The following CACNA2D1 variants were observed in gnomAD, a reference collection of about 807,000 sequenced individuals.
The protein encoded by CACNA2D1 is calcium voltage-gated channel auxiliary subunit alpha2delta 1.
In CACNA2D1, 53 loss-of-function variants were observed where a neutral mutation model predicts 171.5. The observed-to-expected ratio is 0.31, with a 90% CI of 0.25 to 0.39. The LOEUF (loss-of-function observed/expected upper bound fraction) is 0.39. Ranked by LOEUF, CACNA2D1 falls within the 10% of genes least tolerant of loss-of-function variation. The pLI, the probability that CACNA2D1 is intolerant of heterozygous loss-of-function variation, is 1.00. For missense variants in CACNA2D1, 903 were observed against 1,299.8 expected (o/e 0.69, Z 4.69); for synonymous variants, 442 against 443.1 (o/e 1.00, Z 0.03).
At chr7:82,092,197 G>T (rs258651) in intron 6 of CACNA2D1, among the ~76,000 whole-genome samples, 94,971 of 152,040 alleles carry the variant, frequency 0.62, 29,887 homozygotes, top group Middle Eastern at 0.76. Flanking sequence ...TATTCCTTCT[G>T]CTTAATCTCC....
Position 82,060,432 on chromosome 7 carries a change from G to A in CACNA2D1, c.875C>T (p.Ala292Val), listed in dbSNP as rs1342386431. The A allele has an allele frequency of 6.3e-7, 1 of 1,597,032 alleles. No individual in the cohort carries two copies. The change falls in exon 10 of 39, where the codon GCT (alanine) becomes GTT (valine). Residue 292 changes from alanine (A) to valine (V), a missense_variant. Ala to Val is a moderately conservative substitution (Grantham distance 64). Around this residue, in one of 5 missense-constraint regions of CACNA2D1, gnomAD observed 623 missense variants for 925.5 expected, o/e 0.67. Transcript: ENST00000356860. The part of the protein sequence containing the change: ...TLSDDDFVNV[A>V]SFNSNAQDVS... ...ATGCAGTCATCTTATACTTACTGAA[G>A]CTACATTCACGAAATCATCATCTGA...
intron 6 of CACNA2D1, among the ~76,000 whole-genome samples, chr7:82,091,527 G>A: frequency 6.6e-6 from 1 of 152,162 alleles, no homozygotes; most frequent in East Asian, 1.9e-4. Context: ...CAGAGGAGGA[G>A]CTCAGAAGAA....
intron 24 of CACNA2D1, among the ~76,000 whole-genome samples, chr7:81,975,906 CT>C (rs1312595669): frequency 1.3e-5 from 2 of 151,950 alleles, no homozygotes. Flanking sequence ...AAAAGCTCAT[CT>C]GATTTATTTT....
intron 1 of CACNA2D1, among the ~76,000 whole-genome samples, chr7:82,420,717 A>T (rs1432390810): frequency 6.6e-6 from 1 of 152,216 alleles, no homozygotes; most frequent in Non-Finnish European, 1.5e-5. Context: ...TTATTTATAA[A>T]CAACAACTTT....
At position 82,195,607 on chromosome 7, in the gene CACNA2D1, C is replaced by A. The variant is rs574189061; in HGVS notation, c.295-24998G>T. Among the ~76,000 whole-genome samples, 9 of 151,756 alleles carry A rather than the reference C, an allele frequency of 5.9e-5. No individual in the cohort carries two copies. In the East Asian group the frequency reaches 1.7e-3, roughly 29 times the overall value. On this transcript the variant is annotated intron_variant, in intron 3 of 38. Coordinates refer to ENST00000356860, the MANE Select transcript of CACNA2D1 (RefSeq NM_000722.4). ...CCAGGTGAAATCTCCTGTCTCTAAC[C>A]CAACATGTTATCTCTCCCAGAGTCT...
chr7:82,036,654 T>C (rs1405827593), intron 11 of CACNA2D1, among the ~76,000 whole-genome samples: 1 of 152,196 alleles, frequency 6.6e-6, no homozygotes, highest in African/African-American at 2.4e-5. Context: ...TCCTGTTTAC[T>C]TCTATAATTC....
Position 81,959,368 on chromosome 7 carries a change from C to T in CACNA2D1, c.3077-11G>A. The T allele has an allele frequency of 1.3e-6, 2 of 1,579,316 alleles. No homozygotes were observed. The highest frequency in any genetic ancestry group is 1.1e-5 in the South Asian group (1 of 90,458). On this transcript the variant is annotated splice_polypyrimidine_tract_variant and intron_variant, in intron 37 of 38. Transcript: ENST00000356860. ...GATTTGGACCGTCAGCTAAAAGAGA[C>T]TTGTTAAGGAATCTCATGTTAGTTT... is the stretch of plus-strand genomic sequence containing the variant.
intron 3 of CACNA2D1, among the ~76,000 whole-genome samples, chr7:82,241,215 G>A (rs991786596): frequency 1.9e-4 from 29 of 152,048 alleles, no homozygotes; most frequent in Admixed American, 7.9e-4. Context: ...CCCTGATTAC[G>A]AATCAGACAC....
intron 1 of CACNA2D1, among the ~76,000 whole-genome samples, chr7:82,417,968 T>C (rs1195929761): frequency 6.6e-6 from 1 of 152,206 alleles, no homozygotes; most frequent in Non-Finnish European, 1.5e-5. Flanking sequence ...TGAGTCTTTC[T>C]AGTCTTTCCT....
chr7:82,439,276 T>C (rs1234760348), intron 1 of CACNA2D1, among the ~76,000 whole-genome samples: 1 of 152,054 alleles, frequency 6.6e-6, no homozygotes, highest in Non-Finnish European at 1.5e-5. Flanking sequence ...ATATACTAAA[T>C]TTTAGCACAA....
intron 1 of CACNA2D1, among the ~76,000 whole-genome samples, chr7:82,412,511 G>A (rs1437739307): frequency 1.3e-5 from 2 of 151,854 alleles, no homozygotes; most frequent in Non-Finnish European, 2.9e-5. Context: ...TCGAACTCCT[G>A]ACCTCAAGTA....
intron 4 of CACNA2D1, among the ~76,000 whole-genome samples, chr7:82,143,642 G>A (rs1310841636): frequency 6.6e-6 from 1 of 152,102 alleles, no homozygotes; most frequent in Non-Finnish European, 1.5e-5. Context: ...TGGAGTGGAA[G>A]GGGCTTATAC....
chr7:82,362,008 G>T (rs1329782240), intron 1 of CACNA2D1, among the ~76,000 whole-genome samples: 2 of 152,226 alleles, frequency 1.3e-5, no homozygotes, highest in Non-Finnish European at 2.9e-5. Context: ...ATAATTAGAA[G>T]CAAAGACTTG....
intron 6 of CACNA2D1, among the ~76,000 whole-genome samples, chr7:82,111,355 T>C (rs1319462115): frequency 7.6e-6 from 1 of 132,342 alleles, no homozygotes; most frequent in Non-Finnish European, 1.7e-5. Flanking sequence ...CATATATATG[T>C]GTATATATGT....
At chr7:82,264,878 AAT>A (rs1288379826) in intron 3 of CACNA2D1, among the ~76,000 whole-genome samples, 1 of 152,188 alleles carries the variant, frequency 6.6e-6, no homozygotes, top group Non-Finnish European at 1.5e-5. Flanking sequence ...CCTAGATTAT[AAT>A]AGAGTCCCCT....
chr7:82,406,227 A>G lies in CACNA2D1; in HGVS notation c.95+37138T>C, dbSNP rs576582166. ...CTACAAAGTAGGACATGAACTCATC[A>G]TTTTTTATGGCTGCATAGTATTCCA... On this transcript the variant is annotated intron_variant, in intron 1 of 38. Transcript: ENST00000356860. 9.7e-4 allele frequency among the ~76,000 whole-genome samples: 147 copies of G among 152,198 alleles called. 2 individuals carry two copies. The highest frequency in any genetic ancestry group is 1.6e-3 in the Admixed American group (24 of 15,284).
intron 3 of CACNA2D1, among the ~76,000 whole-genome samples, chr7:82,174,042 C>CAAAAAAAA (rs71093365): frequency 4.8e-4 from 22 of 45,640 alleles, no homozygotes; most frequent in African/African-American, 6.1e-4. Context: ...GACCCTGTCT[C>CAAAAAAAA]AAAAAAAAAA....
At chr7:82,053,519 AT>A (rs1261906029) in intron 10 of CACNA2D1, among the ~76,000 whole-genome samples, 1 of 152,142 alleles carries the variant, frequency 6.6e-6, no homozygotes, top group African/African-American at 2.4e-5. Context: ...TGACAAAAAA[AT>A]GATATTTTTA....
chr7:82,384,572 TA>T (rs1224137914), intron 1 of CACNA2D1, among the ~76,000 whole-genome samples: 200 of 147,616 alleles, frequency 1.4e-3, no homozygotes, highest in Middle Eastern at 3.5e-3. Flanking sequence ...ATTTTGAAAT[TA>T]AAAAAAAAAT....
Sources: allele counts gnomAD v4.1 joint callset (sites outside exome capture counted in the v4.1 genomes callset), GRCh38; gene constraint gnomAD v4.1.1; regional missense constraint gnomAD v4.1.1; transcripts MANE v1.5; gene names NCBI Gene and HGNC (gene_info 2026-07-23, HGNC 2026-07-21).